RBFOX2: variants seen among roughly 807,000 people sequenced by gnomAD.
RBFOX2 encodes the protein RNA binding protein fox-1 homolog 2.
RBFOX2 carries 10 observed loss-of-function variants against 49.1 expected under a neutral mutation model. That is an observed-to-expected ratio of 0.20 (90% CI 0.13 to 0.35). The LOEUF (loss-of-function observed/expected upper bound fraction) is 0.35, where lower values mean the gene tolerates loss of function less well. RBFOX2 is among the 10% of genes least tolerant of loss of function. The pLI is 1.00. For synonymous variants in RBFOX2, 183 were observed against 187.4 expected, an observed-to-expected ratio of 0.98 and a Z score of 0.19; for missense variants, 323 against 486.9, an observed-to-expected ratio of 0.66 and a Z score of 3.17.
At chr22:35,914,808 T>C (rs773993003) in intron 1 of RBFOX2, among the ~76,000 whole-genome samples, 19 of 152,300 alleles carry the variant, frequency 1.2e-4, no homozygotes, top group South Asian at 4.1e-4. Flanking sequence ...TCTGCTCAGG[T>C]TTTCAACTAA....
intron 1 of RBFOX2, among the ~76,000 whole-genome samples, chr22:36,027,652 G>A (rs1442196273): frequency 6.6e-6 from 1 of 152,140 alleles, no homozygotes; most frequent in East Asian, 1.9e-4. Context: ...AAGTAAATGA[G>A]ACTGAGCACC....
chr22:35,768,916 A>G (rs1163751029), intron 4 of RBFOX2, among the ~76,000 whole-genome samples: 1 of 152,152 alleles, frequency 6.6e-6, no homozygotes, highest in Non-Finnish European at 1.5e-5. Flanking sequence ...TTCCTTTGGG[A>G]ACAGGATAAC....
At chr22:35,945,574 G>A (rs2054189927) in intron 1 of RBFOX2, among the ~76,000 whole-genome samples, 2 of 152,102 alleles carry the variant, frequency 1.3e-5, no homozygotes, top group Non-Finnish European at 2.9e-5. Context: ...CTGAGTAGCT[G>A]GGACTACAGG....
chr22:35,865,221 A>C (rs1469960550), intron 1 of RBFOX2, among the ~76,000 whole-genome samples: 1 of 152,232 alleles, frequency 6.6e-6, no homozygotes, highest in East Asian at 1.9e-4. Context: ...GATTTAGGAT[A>C]AATAAGATGA....
chr22:35,842,248 C>G (rs1345137809), upstream of RBFOX2, among the ~76,000 whole-genome samples: 1 of 152,098 alleles, frequency 6.6e-6, no homozygotes, highest in Non-Finnish European at 1.5e-5. Context: ...TTACAGATAT[C>G]TGTATACTTG....
chr22:35,986,321 T>C (rs1364095492), intron 1 of RBFOX2, among the ~76,000 whole-genome samples: 2 of 152,104 alleles, frequency 1.3e-5, no homozygotes, highest in Non-Finnish European at 1.5e-5. Flanking sequence ...GAATGAATAA[T>C]TCAGACTCCC....
chr22:35,752,534 C>T (rs1935334494), intron 9 of RBFOX2: 1 of 796,198 alleles, frequency 1.3e-6, no homozygotes, highest in African/African-American at 1.9e-5. Flanking sequence ...TAACGTGGAG[C>T]TGGAATGGTT....
At chr22:35,960,482 G>A (rs980168921) in intron 1 of RBFOX2, among the ~76,000 whole-genome samples, 3 of 152,154 alleles carry the variant, frequency 2.0e-5, no homozygotes, top group African/African-American at 7.2e-5. Flanking sequence ...GATTTTAACA[G>A]ACACACTTGA....
intron 1 of RBFOX2, among the ~76,000 whole-genome samples, chr22:35,984,446 A>G (rs2057607151): frequency 6.6e-6 from 1 of 152,216 alleles, no homozygotes; most frequent in African/African-American, 2.4e-5. Flanking sequence ...CACAAGGCAG[A>G]GTGTGTTGCT....
chr22:35,808,853 A>G (rs528886415), intron 2 of RBFOX2, among the ~76,000 whole-genome samples: 1 of 152,168 alleles, frequency 6.6e-6, no homozygotes, highest in Non-Finnish European at 1.5e-5. Flanking sequence ...AGACAATACA[A>G]TTTCCCATAT....
intron 1 of RBFOX2, among the ~76,000 whole-genome samples, chr22:35,947,672 T>TAAAAAAAAAAAAAAAATAAAAAAA: frequency 2.9e-5 from 1 of 34,144 alleles, no homozygotes; most frequent in Non-Finnish European, 5.5e-5. Context: ...GTTTAAAAAG[T>TAAAAAAAAAAAAAAAATAAAAAAA]AAAAAAAAAA....
chr22:35,829,229 G>C (rs767688341), intron 1 of RBFOX2, among the ~76,000 whole-genome samples: 1 of 151,990 alleles, frequency 6.6e-6, no homozygotes, highest in Non-Finnish European at 1.5e-5. Context: ...AAAATTACCA[G>C]GCATGCAAAG....
intron 1 of RBFOX2, among the ~76,000 whole-genome samples, chr22:35,850,826 A>G (rs2041857554): frequency 6.6e-6 from 1 of 152,230 alleles, no homozygotes; most frequent in South Asian, 2.1e-4. Flanking sequence ...ACACAGAGTG[A>G]GCAGAAAGTG....
chr22:35,826,589 C>A (rs180829087), intron 1 of RBFOX2, among the ~76,000 whole-genome samples: 2 of 152,000 alleles, frequency 1.3e-5, no homozygotes, highest in Non-Finnish European at 2.9e-5. Context: ...AACCTCCCCC[C>A]CTGCATCTCC....
chr22:35,756,559 G>A (rs1267347048), intron 9 of RBFOX2, among the ~76,000 whole-genome samples: 1 of 152,142 alleles, frequency 6.6e-6, no homozygotes, highest in Non-Finnish European at 1.5e-5. Flanking sequence ...TAGGGTAGGG[G>A]TGAAGAGGAG....
At chr22:35,792,964 A>G (rs373380656) in intron 2 of RBFOX2, among the ~76,000 whole-genome samples, 13 of 152,326 alleles carry the variant, frequency 8.5e-5, no homozygotes, top group South Asian at 4.1e-4. Flanking sequence ...GGGTCTCCCA[A>G]TGTTGCCCAG....
intron 1 of RBFOX2, among the ~76,000 whole-genome samples, chr22:35,870,108 G>A (rs916471236): frequency 1.3e-5 from 2 of 152,136 alleles, no homozygotes; most frequent in Non-Finnish European, 2.9e-5. Flanking sequence ...CAAAATAGTA[G>A]TCTATATGCA....
intron 1 of RBFOX2, among the ~76,000 whole-genome samples, chr22:35,971,974 T>C (rs553926556): frequency 4.1e-5 from 6 of 146,076 alleles, no homozygotes; most frequent in Admixed American, 6.9e-5. Context: ...TTTTCCTGCC[T>C]GCAACCTTCT....
intron 2 of RBFOX2, among the ~76,000 whole-genome samples, chr22:35,800,953 A>G (rs1476134260): frequency 6.6e-6 from 1 of 152,216 alleles, no homozygotes; most frequent in Non-Finnish European, 1.5e-5. Context: ...TTCAGCAGAG[A>G]TAAGACTTAA....
Sources: gnomAD v4.1 joint callset for allele counts (sites outside exome capture counted in the v4.1 genomes callset) on GRCh38, gnomAD v4.1.1 for gene constraint, MANE v1.5 for transcripts, NCBI Gene and HGNC (gene_info 2026-07-23, HGNC 2026-07-21) for gene names.